Variants in RAG1 observed in about 807,000 individuals in gnomAD.
RAG1 encodes V(D)J recombination-activating protein 1.
In RAG1, 35 loss-of-function variants were observed where a neutral mutation model predicts 62.7. The ratio of observed to expected loss-of-function variants is 0.56; its 90% CI spans 0.43 to 0.74. RAG1 has a LOEUF of 0.74. Among genes scored for constraint, RAG1 ranks in the 30% least tolerant of loss-of-function variants. RAG1 has a pLI of 0.00. For synonymous variants in RAG1, 461 were observed against 470.3 expected (o/e 0.98, Z 0.26); for missense variants, 1,169 against 1,278.6 (o/e 0.91, Z 1.31).
intron 1 of RAG1, among the ~76,000 whole-genome samples, chr11:36,514,712 G>A (rs1221810786): frequency 3.9e-5 from 6 of 152,160 alleles, no homozygotes; most frequent in Non-Finnish European, 8.8e-5. Context: ...TTCACGAAAG[G>A]GTTTGTGCTC....
At chr11:36,541,164 T>C (rs1860412176) in intron 3 of RAG1, among the ~76,000 whole-genome samples, 1 of 152,112 alleles carries the variant, frequency 6.6e-6, no homozygotes, top group African/African-American at 2.4e-5. Context: ...CTGTAAACAA[T>C]GGAGCTATAT....
intron 2 of RAG1, among the ~76,000 whole-genome samples, chr11:36,533,391 G>A (rs1295234856): frequency 6.6e-6 from 1 of 152,172 alleles, no homozygotes; most frequent in Non-Finnish European, 1.5e-5. Context: ...CATGTAACGG[G>A]TGTGTGCCTG....
chr11:36,515,257 GA>G, intron 1 of RAG1, among the ~76,000 whole-genome samples: 1 of 151,934 alleles, frequency 6.6e-6, no homozygotes, highest in Non-Finnish European at 1.5e-5. Context: ...TATAGACCAA[GA>G]AAGAATGAGG....
intron 2 of RAG1, among the ~76,000 whole-genome samples, chr11:36,531,530 A>G (rs1860256541): frequency 6.6e-6 from 1 of 151,916 alleles, no homozygotes. Context: ...ATGTATATAT[A>G]TGATTTATAT....
intron 2 of RAG1, among the ~76,000 whole-genome samples, chr11:36,532,483 A>G (rs1860270950): frequency 6.6e-6 from 1 of 152,188 alleles, no homozygotes; most frequent in African/African-American, 2.4e-5. Context: ...TAATAACTTC[A>G]TCTATGACAG....
At chr11:36,520,503 C>G (rs1006982313) in intron 2 of RAG1, among the ~76,000 whole-genome samples, 1 of 152,182 alleles carries the variant, frequency 6.6e-6, no homozygotes, top group Non-Finnish European at 1.5e-5. Flanking sequence ...TCGCAAACTC[C>G]TGACCTCAGG....
chr11:36,531,816 C>T (rs1370078704), intron 2 of RAG1, among the ~76,000 whole-genome samples: 4 of 151,896 alleles, frequency 2.6e-5, no homozygotes, highest in African/African-American at 9.7e-5. Context: ...TATCAAATGA[C>T]GTGAGCTAGA....
chr11:36,545,505 A>G (rs948898928), intron 3 of RAG1, among the ~76,000 whole-genome samples: 1 of 152,178 alleles, frequency 6.6e-6, no homozygotes, highest in Non-Finnish European at 1.5e-5. Context: ...TTCTCCTGAC[A>G]CTGTGACCTC....
chr11:36,574,173 C>T lies in RAG1; in HGVS notation c.869C>T (p.Ser290Phe), dbSNP rs765603879. The change falls in exon 2 of 2, where the codon TCC (serine) becomes TTC (phenylalanine). Residue 290 changes from serine (S) to phenylalanine (F), a missense_variant. Physicochemically the swap from Ser to Phe is radical, Grantham distance 155. Around this residue, in one of 2 missense-constraint regions of RAG1, gnomAD observed 800 missense variants for 943.3 expected, o/e 0.85. Transcript: ENST00000299440. ...AVDFPEHFVK[S>F]ISCQICEHIL... The stretch of plus-strand genomic sequence containing the variant: ...GACTTCCCAGAGCACTTTGTGAAAT[C>T]CATCTCCTGCCAGATCTGTGAACAC... 1 of 1,614,184 alleles carries T rather than the reference C, an allele frequency of 6.2e-7. No homozygotes were observed. The highest frequency in any genetic ancestry group is 8.5e-7 in the Non-Finnish European group (1 of 1,180,034).
At chr11:36,562,768 A>G (rs1850607720) in intron 3 of RAG1, among the ~76,000 whole-genome samples, 1 of 152,180 alleles carries the variant, frequency 6.6e-6, no homozygotes, top group African/African-American at 2.4e-5. Context: ...ATAAGAAAAT[A>G]TATATTTTCA....
chr11:36,536,632 A>AT (rs1334870801), downstream of RAG1, among the ~76,000 whole-genome samples: 2 of 14,058 alleles, frequency 1.4e-4, no homozygotes, highest in Non-Finnish European at 6.8e-4. Context: ...TTTAAAAGAC[A>AT]AATAAGAAGA....
intron 1 of RAG1, among the ~76,000 whole-genome samples, chr11:36,568,533 A>G (rs1224313695): frequency 6.6e-6 from 1 of 152,212 alleles, no homozygotes; most frequent in Non-Finnish European, 1.5e-5. Flanking sequence ...ATTGCCAGGC[A>G]TTTCCTGAAC....
At chr11:36,523,054 A>C (rs2133696894) in intron 2 of RAG1, among the ~76,000 whole-genome samples, 1 of 152,238 alleles carries the variant, frequency 6.6e-6, no homozygotes. Flanking sequence ...TGGACTGTGG[A>C]CTTTTGAGTT....
chr11:36,513,581 A>C (rs1859955888), intron 1 of RAG1, among the ~76,000 whole-genome samples: 1 of 152,208 alleles, frequency 6.6e-6, no homozygotes, highest in African/African-American at 2.4e-5. Flanking sequence ...GGGCTGCCTC[A>C]TGTAACAGTA....
At chr11:36,548,243 C>G (rs372210561) in intron 3 of RAG1, among the ~76,000 whole-genome samples, 2 of 152,214 alleles carry the variant, frequency 1.3e-5, no homozygotes, top group African/African-American at 4.8e-5. Context: ...CTCACCACTC[C>G]TATTCAACAT....
intron 3 of RAG1, among the ~76,000 whole-genome samples, chr11:36,549,063 T>G (rs558362108): frequency 6.6e-6 from 1 of 152,322 alleles, no homozygotes; most frequent in South Asian, 2.1e-4. Flanking sequence ...AAAAACTGGC[T>G]AGCCATATGC....
chr11:36,563,307 C>A (rs1377917593), upstream of RAG1: 1 of 152,198 alleles, frequency 6.6e-6, no homozygotes, highest in Non-Finnish European at 1.5e-5. Flanking sequence ...GTGTTTAAGG[C>A]CCAGATAGAA....
At chr11:36,513,236 T>C (rs1392062529) in intron 1 of RAG1, among the ~76,000 whole-genome samples, 1 of 152,226 alleles carries the variant, frequency 6.6e-6, no homozygotes, top group East Asian at 1.9e-4. Flanking sequence ...ACTAAGCCAG[T>C]AAATTTCTGT....
At chr11:36,563,172 C>T (rs1850614831), upstream of RAG1, among the ~76,000 whole-genome samples, 1 of 152,134 alleles carries the variant, frequency 6.6e-6, no homozygotes, top group Non-Finnish European at 1.5e-5. Context: ...GAAGGGATAC[C>T]CATATAGCTA....
Sources: gnomAD v4.1 joint callset for allele counts (sites outside exome capture counted in the v4.1 genomes callset) on GRCh38, gnomAD v4.1.1 for gene constraint, gnomAD v4.1.1 regional missense constraint, MANE v1.5 for transcripts, NCBI Gene and HGNC (gene_info 2026-07-23, HGNC 2026-07-21) for gene names.